MEI4: variants seen among roughly 807,000 people sequenced by gnomAD.
MEI4 encodes the protein meiotic double-stranded break formation protein 4.
In MEI4, 27 loss-of-function variants were observed where a neutral mutation model predicts 31.4. The ratio of observed to expected loss-of-function variants is 0.86; its 90% confidence interval spans 0.63 to 1.19. The LOEUF is 1.19. Among genes scored for constraint, MEI4 ranks in the 50% most tolerant of loss-of-function variants. The pLI is 0.00. For missense variants in MEI4, 329 were observed against 398.9 expected (o/e 0.82, Z 1.49); for synonymous variants, 122 against 145.4 (o/e 0.84, Z 1.16).
chr6:77,908,880 C>T (rs1437416891), intron 4 of MEI4, among the ~76,000 whole-genome samples: 3 of 152,114 alleles, frequency 2.0e-5, no homozygotes, highest in East Asian at 1.9e-4. Flanking sequence ...AAGAGAGAGA[C>T]TTAGACTCCC....
intron 4 of MEI4, among the ~76,000 whole-genome samples, chr6:77,866,582 C>A (rs1216226493): frequency 6.6e-6 from 1 of 152,098 alleles, no homozygotes; most frequent in Non-Finnish European, 1.5e-5. Context: ...AAAGAGGATA[C>A]AAAGAAATGG....
chr6:77,871,885 A>G lies in MEI4; in HGVS notation c.900+42823A>G, dbSNP rs149439194. 5.6e-4 allele frequency among the ~76,000 whole-genome samples: 85 copies of G among 152,282 alleles called. 1 individual carries two copies. Among genetic ancestry groups the G allele is most frequent in the African/African-American group, 2.0e-3 (83 of 41,554 alleles). ...ACAAAACACTACTGAAAATAATTGA[A>G]TAACAGTCCTAGATACCATTAGGAC... On this transcript the variant is annotated intron_variant, in intron 4 of 4. Coordinates refer to ENST00000684080, the MANE Select transcript of MEI4 (RefSeq NM_001322247.2).
At chr6:77,714,951 G>C (rs1225646335) in intron 2 of MEI4, among the ~76,000 whole-genome samples, 1 of 152,146 alleles carries the variant, frequency 6.6e-6, no homozygotes, top group African/African-American at 2.4e-5. Flanking sequence ...CCTTGCAGTA[G>C]AGTCAGTTGT....
At chr6:77,831,898 A>G (rs973572305) in intron 4 of MEI4, among the ~76,000 whole-genome samples, 3 of 152,088 alleles carry the variant, frequency 2.0e-5, no homozygotes, top group African/African-American at 4.8e-5. Flanking sequence ...TTTATATTTC[A>G]AAATAGCTAG....
At chr6:77,750,491 T>C (rs966454218) in intron 2 of MEI4, among the ~76,000 whole-genome samples, 1 of 152,108 alleles carries the variant, frequency 6.6e-6, no homozygotes, top group African/African-American at 2.4e-5. Context: ...TAAAACAGAC[T>C]TTAAACCAAC....
At chr6:77,676,429 A>T (rs2127647446) in intron 1 of MEI4, among the ~76,000 whole-genome samples, 1 of 152,190 alleles carries the variant, frequency 6.6e-6, no homozygotes, top group East Asian at 1.9e-4. Context: ...GGGAAGGCTG[A>T]GGTAGAAGGA....
chr6:77,729,195 CTG>C (rs1766907489), intron 2 of MEI4, among the ~76,000 whole-genome samples: 1 of 152,140 alleles, frequency 6.6e-6, no homozygotes, highest in Non-Finnish European at 1.5e-5. Context: ...TCCTACTTCT[CTG>C]CTATCCAAAG....
chr6:77,732,977 C>A (rs1383262622), intron 2 of MEI4, among the ~76,000 whole-genome samples: 1 of 151,008 alleles, frequency 6.6e-6, no homozygotes, highest in Admixed American at 6.6e-5. Flanking sequence ...GGGATGAAGC[C>A]CACTTGATGA....
chr6:77,681,799 A>T (rs1232503080), intron 1 of MEI4, among the ~76,000 whole-genome samples: 1 of 152,174 alleles, frequency 6.6e-6, no homozygotes, highest in Non-Finnish European at 1.5e-5. Flanking sequence ...GAACAGAAGG[A>T]AAAAAAGAAG....
intron 4 of MEI4, among the ~76,000 whole-genome samples, chr6:77,859,114 G>A (rs1255391459): frequency 2.0e-5 from 3 of 152,028 alleles, no homozygotes; most frequent in Non-Finnish European, 4.4e-5. Flanking sequence ...GAGAACATGC[G>A]GTGTTTGGTT....
intron 2 of MEI4, among the ~76,000 whole-genome samples, chr6:77,699,600 A>C (rs9443457): frequency 3.3e-5 from 5 of 152,114 alleles, no homozygotes; most frequent in Non-Finnish European, 5.9e-5. Flanking sequence ...TTCTCTGTCC[A>C]GCTTTGTTCC....
At chr6:77,843,841 C>T (rs1242426147) in intron 4 of MEI4, among the ~76,000 whole-genome samples, 1 of 152,020 alleles carries the variant, frequency 6.6e-6, no homozygotes, top group Admixed American at 6.6e-5. Flanking sequence ...ATGACATAAT[C>T]ATAGACATTA....
At chr6:77,706,058 C>G (rs555973495) in intron 2 of MEI4, among the ~76,000 whole-genome samples, 2 of 152,140 alleles carry the variant, frequency 1.3e-5, no homozygotes, top group African/African-American at 4.8e-5. Context: ...CTGACCTTCT[C>G]CCCTTCTTTC....
At chr6:77,809,387 C>A (rs1468306847) in intron 3 of MEI4, among the ~76,000 whole-genome samples, 1 of 152,042 alleles carries the variant, frequency 6.6e-6, no homozygotes, top group African/African-American at 2.4e-5. Context: ...GAAATGCATG[C>A]AGTAGTTTTA....
chr6:77,780,794 A>G (rs956330602), intron 3 of MEI4, among the ~76,000 whole-genome samples: 1 of 152,168 alleles, frequency 6.6e-6, no homozygotes, highest in African/African-American at 2.4e-5. Context: ...GAATAGTTGA[A>G]TTGATGAGTA....
chr6:77,727,487 A>T (rs1300728548), intron 2 of MEI4, among the ~76,000 whole-genome samples: 1 of 152,220 alleles, frequency 6.6e-6, no homozygotes, highest in African/African-American at 2.4e-5. Context: ...AAATAAGAAG[A>T]AGGTGTTGGA....
chr6:77,858,059 A>G (rs4144584), intron 4 of MEI4, among the ~76,000 whole-genome samples: 23,714 of 152,152 alleles, frequency 0.16, 1,968 homozygotes, highest in East Asian at 0.27. Flanking sequence ...ATATTCAGGT[A>G]TAAGTTTTAT....
intron 4 of MEI4, among the ~76,000 whole-genome samples, chr6:77,865,978 C>A (rs1034472364): frequency 1.3e-5 from 2 of 152,112 alleles, no homozygotes; most frequent in Admixed American, 6.5e-5. Context: ...ACGACAAAAA[C>A]CACATGATTA....
At chr6:77,650,721 T>TCCG (rs1768285179), upstream of MEI4, among the ~76,000 whole-genome samples, 1 of 152,240 alleles carries the variant, frequency 6.6e-6, no homozygotes, top group South Asian at 2.1e-4. Context: ...TGTATGGAGC[T>TCCG]CCGCACACGT....
Sources: allele counts gnomAD v4.1 joint callset (sites outside exome capture counted in the v4.1 genomes callset), GRCh38; gene constraint gnomAD v4.1.1; transcripts MANE v1.5; gene names NCBI Gene and HGNC (gene_info 2026-07-23, HGNC 2026-07-21).